The following SLC9A9 variants were observed in gnomAD, a reference collection of about 807,000 sequenced individuals.
SLC9A9 encodes solute carrier family 9 member A9, also known as sodium/hydrogen exchanger 9.
In SLC9A9, 62 loss-of-function variants were observed where a neutral mutation model predicts 77.8. That is an observed-to-expected ratio of 0.80 (90% CI 0.65 to 0.98). SLC9A9 has a LOEUF of 0.98. Ranked by LOEUF, SLC9A9 falls within the 50% of genes least tolerant of loss-of-function variation. SLC9A9 has a pLI of 0.00. For missense variants in SLC9A9, 775 were observed against 774.9 expected, an observed-to-expected ratio of 1.00 and a Z score of 0.00; for synonymous variants, 320 against 283.5, an observed-to-expected ratio of 1.13 and a Z score of -1.29.
chr3:143,283,406 C>T (rs1415919638), intron 14 of SLC9A9, among the ~76,000 whole-genome samples: 3 of 152,156 alleles, frequency 2.0e-5, no homozygotes, highest in Non-Finnish European at 4.4e-5. Flanking sequence ...TTATACTTTC[C>T]TGTATATACA....
At chr3:143,536,180 A>C (rs921490352) in intron 9 of SLC9A9, among the ~76,000 whole-genome samples, 1 of 152,222 alleles carries the variant, frequency 6.6e-6, no homozygotes, top group Non-Finnish European at 1.5e-5. Flanking sequence ...GGAAAGTGAG[A>C]GGTAAGCTGG....
intron 12 of SLC9A9, among the ~76,000 whole-genome samples, chr3:143,452,575 A>AT (rs2035026861): frequency 6.6e-6 from 1 of 151,652 alleles, no homozygotes. Flanking sequence ...AAAATATCTT[A>AT]TAAGTTTTTG....
At chr3:143,409,916 T>C (rs2108518750) in intron 12 of SLC9A9, among the ~76,000 whole-genome samples, 1 of 152,314 alleles carries the variant, frequency 6.6e-6, no homozygotes, top group East Asian at 1.9e-4. Context: ...AAAACTTAGA[T>C]TGAGCTGAAG....
intron 4 of SLC9A9, among the ~76,000 whole-genome samples, chr3:143,746,820 C>T (rs1317571838): frequency 6.6e-6 from 1 of 152,174 alleles, no homozygotes; most frequent in African/African-American, 2.4e-5. Flanking sequence ...TTGCTATCAG[C>T]TTTCCTCCTT....
chr3:143,288,561 T>A (rs1009831509), intron 14 of SLC9A9, among the ~76,000 whole-genome samples: 2 of 152,198 alleles, frequency 1.3e-5, no homozygotes, highest in Non-Finnish European at 2.9e-5. Flanking sequence ...TTCTAGACAT[T>A]GGGCTCATTC....
chr3:143,394,822 A>G (rs1180128738), intron 12 of SLC9A9, among the ~76,000 whole-genome samples: 1 of 152,226 alleles, frequency 6.6e-6, no homozygotes, highest in African/African-American at 2.4e-5. Flanking sequence ...ACAGAGAGCT[A>G]AATCATGAGT....
In SLC9A9 at chr3:143,676,972, C is replaced by T. The variant is rs12492443; in HGVS notation, c.649+16220G>A. Among the ~76,000 whole-genome samples, 784 of 152,266 alleles carry T rather than the reference C, an allele frequency of 5.1e-3. 35 individuals carry two copies. The highest frequency in any genetic ancestry group is 0.049 in the Admixed American group (744 of 15,298). On this transcript the variant is annotated intron_variant, in intron 5 of 15. Coordinates refer to ENST00000316549, the MANE Select transcript of SLC9A9 (RefSeq NM_173653.4). ...GCCTGTAAAAAGAGACTTCCCTAGACCATCAGACAGCTTAAGATGACACAC... is the reference window on the plus strand; with the variant it reads ...GCCTGTAAAAAGAGACTTCCCTAGATCATCAGACAGCTTAAGATGACACAC...
At chr3:143,332,375 G>A (rs1245882068) in intron 14 of SLC9A9, among the ~76,000 whole-genome samples, 1 of 152,204 alleles carries the variant, frequency 6.6e-6, no homozygotes, top group African/African-American at 2.4e-5. Context: ...GGCAAAGGAA[G>A]CAAAGATTTT....
At chr3:143,606,814 T>C (rs976771160) in intron 6 of SLC9A9, among the ~76,000 whole-genome samples, 1 of 151,854 alleles carries the variant, frequency 6.6e-6, no homozygotes, top group African/African-American at 2.4e-5. Context: ...TTAATGGGCA[T>C]GCAGAATAAA....
At chr3:143,711,075 A>G (rs1378780626) in intron 4 of SLC9A9, among the ~76,000 whole-genome samples, 1 of 152,252 alleles carries the variant, frequency 6.6e-6, no homozygotes, top group Non-Finnish European at 1.5e-5. Flanking sequence ...GATAGAATGA[A>G]CAATTTATCT....
intron 14 of SLC9A9, among the ~76,000 whole-genome samples, chr3:143,362,041 T>C (rs7429268): frequency 1.5e-3 from 223 of 152,314 alleles, no homozygotes; most frequent in African/African-American, 5.1e-3. Context: ...TTATAAGCAA[T>C]GGCAGGGGCA....
At chr3:143,666,573 T>C (rs2039073935) in intron 5 of SLC9A9, among the ~76,000 whole-genome samples, 1 of 152,222 alleles carries the variant, frequency 6.6e-6, no homozygotes, top group East Asian at 1.9e-4. Flanking sequence ...CATGATTGTA[T>C]ATTTAGAAAA....
chr3:143,294,615 A>G (rs1429201029), intron 14 of SLC9A9, among the ~76,000 whole-genome samples: 1 of 152,236 alleles, frequency 6.6e-6, no homozygotes, highest in Non-Finnish European at 1.5e-5. Flanking sequence ...GGTAGAGGGT[A>G]GGCAGTGGCA....
At chr3:143,367,279 T>C (rs1167211763) in intron 13 of SLC9A9, among the ~76,000 whole-genome samples, 3 of 152,232 alleles carry the variant, frequency 2.0e-5, no homozygotes, top group Non-Finnish European at 4.4e-5. Flanking sequence ...TGACTGGAGA[T>C]GTTATTCATT....
chr3:143,560,998 T>C (rs955727860), intron 8 of SLC9A9, among the ~76,000 whole-genome samples: 11 of 152,142 alleles, frequency 7.2e-5, no homozygotes, highest in African/African-American at 2.7e-4. Context: ...CTGGTCAAAA[T>C]GGCAAAACCC....
intron 4 of SLC9A9, 128 bp downstream of exon 4, chr3:143,794,873 T>C: frequency 4.8e-6 from 4 of 841,304 alleles, no homozygotes; most frequent in Admixed American, 1.9e-5. Flanking sequence ...AGAAAAAACA[T>C]ACAAATATGT....
chr3:143,725,212 C>T (rs1384233516), intron 4 of SLC9A9, among the ~76,000 whole-genome samples: 2 of 152,204 alleles, frequency 1.3e-5, no homozygotes, highest in South Asian at 2.1e-4. Context: ...GTTAGAATGG[C>T]AATCATTAAA....
At chr3:143,451,002 G>A (rs1196333226) in intron 12 of SLC9A9, among the ~76,000 whole-genome samples, 1 of 152,132 alleles carries the variant, frequency 6.6e-6, no homozygotes, top group Non-Finnish European at 1.5e-5. Context: ...GACCCCTAAT[G>A]TTCAAATTGC....
chr3:143,410,038 G>T (rs1242556868), intron 12 of SLC9A9, among the ~76,000 whole-genome samples: 1 of 152,174 alleles, frequency 6.6e-6, no homozygotes, highest in East Asian at 1.9e-4. Flanking sequence ...CATTTGAGTT[G>T]AATAATAAAG....
Sources: gnomAD v4.1 joint callset for allele counts (sites outside exome capture counted in the v4.1 genomes callset) on GRCh38, gnomAD v4.1.1 for gene constraint, MANE v1.5 for transcripts, NCBI Gene and HGNC (gene_info 2026-07-23, HGNC 2026-07-21) for gene names.